KCNN3: variants seen among roughly 807,000 people sequenced by gnomAD.
KCNN3 encodes potassium calcium-activated channel subfamily N member 3, also known as small conductance calcium-activated potassium channel protein 3.
Under a neutral mutation model 62.9 loss-of-function variants are expected in KCNN3, and 16 were observed. The ratio of observed to expected loss-of-function variants is 0.25; its 90% CI spans 0.17 to 0.39. The LOEUF (loss-of-function observed/expected upper bound fraction) is 0.39. KCNN3 is among the 10% of genes least tolerant of loss of function. KCNN3 has a pLI of 1.00. For synonymous variants in KCNN3, 370 were observed against 389.2 expected (o/e 0.95, Z 0.58); for missense variants, 599 against 949.4 (o/e 0.63, Z 4.85).
chr1:154,805,175 T>C (rs1387952556), intron 2 of KCNN3, among the ~76,000 whole-genome samples: 1 of 151,910 alleles, frequency 6.6e-6, no homozygotes, highest in Non-Finnish European at 1.5e-5. Context: ...GACCTGGGCG[T>C]TCAGGGAAAA....
At chr1:154,828,229 T>A (rs55930864) in intron 1 of KCNN3, among the ~76,000 whole-genome samples, 49,994 of 151,678 alleles carry the variant, frequency 0.33, 9,035 homozygotes, top group East Asian at 0.68. Context: ...CAGCCCCCAG[T>A]AAAATGAGAC....
intron 3 of KCNN3, among the ~76,000 whole-genome samples, chr1:154,755,530 G>GGA (rs1647613669): frequency 1.1e-5 from 1 of 91,546 alleles, no homozygotes; most frequent in East Asian, 4.0e-4. Flanking sequence ...AAAGAAAGAA[G>GGA]AAGAAAGGAA....
rs1699826736 is a variant in KCNN3 at position 154,700,283 on chromosome 1, A to AC, written c.*7692dup. 6.6e-6 allele frequency: 1 copy of AC among 152,220 alleles called. No individual in the cohort carries two copies. Among genetic ancestry groups the AC allele is most frequent in the Admixed American group, 6.5e-5 (1 of 15,284 alleles). The allele number at this position is 152,220 out of a possible 1,614,324, so 9.4% of individuals were successfully genotyped here. On this transcript the variant is annotated 3_prime_UTR_variant, in exon 8 of 8. Transcript: ENST00000271915. The stretch of plus-strand genomic sequence containing the variant: ...TGGGGCCTGAGATTCTGCATTTCTA[A>AC]CAAGCTTACAGATGATGCTAACGCT...
rs777143484 is a variant in KCNN3 at position 154,772,080 on chromosome 1, C to T, written c.1343G>A (p.Arg448His). The change falls in exon 3 of 8, where the codon CGC becomes CAC. Residue 448 changes from arginine to histidine, a missense_variant. This residue lies in a region of KCNN3 where 288 missense variants were observed against 557.4 expected (regional missense o/e 0.52). Transcript: ENST00000271915. The surrounding 1 kb of genome is among the most constrained non-coding windows in gnomAD (Gnocchi z 5.6). ...GALNKINFNT[R>H]FVMKTLMTIC... ...GGTCATGAGCGTCTTCATGACAAAG[C>T]GGGTGTTGAAGTTGATCTTGTTGAG... 8.7e-6 allele frequency: 14 copies of T among 1,614,106 alleles called. No individual in the cohort carries two copies. Among genetic ancestry groups the T allele is most frequent in the Non-Finnish European group, 1.1e-5 (13 of 1,180,012 alleles).
intron 3 of KCNN3, among the ~76,000 whole-genome samples, chr1:154,758,693 G>A (rs1378435821): frequency 1.3e-5 from 2 of 152,178 alleles, no homozygotes; most frequent in African/African-American, 4.8e-5. Flanking sequence ...AAGGAATATG[G>A]CATGTCTCAC....
chr1:154,731,010 G>A (rs1475166317), intron 4 of KCNN3, among the ~76,000 whole-genome samples: 1 of 152,168 alleles, frequency 6.6e-6, no homozygotes, highest in African/African-American at 2.4e-5. Flanking sequence ...CAGGTCTTTG[G>A]GGTGCTGCTT....
At chr1:154,776,544 A>G (rs1267926120) in intron 2 of KCNN3, among the ~76,000 whole-genome samples, 1 of 152,098 alleles carries the variant, frequency 6.6e-6, no homozygotes, top group African/African-American at 2.4e-5. Context: ...AGAAGATCCC[A>G]TTGCTGTCCC....
chr1:154,845,585 A>G (rs755205550), intron 1 of KCNN3, among the ~76,000 whole-genome samples: 1 of 152,194 alleles, frequency 6.6e-6, no homozygotes, highest in Non-Finnish European at 1.5e-5. Flanking sequence ...AGCAGGAGCC[A>G]AAGGTGTCTG....
intron 1 of KCNN3, chr1:154,868,414 G>C: frequency 1.1e-6 from 1 of 929,586 alleles, no homozygotes; most frequent in Non-Finnish European, 1.3e-6. Context: ...TATTTTGCCC[G>C]AGACTCTCTG....
At chr1:154,832,042 G>T (rs1192821157) in intron 1 of KCNN3, among the ~76,000 whole-genome samples, 1 of 151,988 alleles carries the variant, frequency 6.6e-6, no homozygotes, top group East Asian at 1.9e-4. Context: ...GCTTACAGGG[G>T]CAGGCAGCCC....
At chr1:154,800,092 T>A (rs375757508) in intron 2 of KCNN3, among the ~76,000 whole-genome samples, 19 of 152,320 alleles carry the variant, frequency 1.2e-4, no homozygotes, top group African/African-American at 4.6e-4. Context: ...TAAGGGAGTT[T>A]GATTTTCTTA....
chr1:154,843,557 C>A (rs550884676), intron 1 of KCNN3, among the ~76,000 whole-genome samples: 1 of 152,176 alleles, frequency 6.6e-6, no homozygotes, highest in African/African-American at 2.4e-5. Context: ...TGAGCCACTG[C>A]GCCCGGCCCC....
At chr1:154,724,573 A>G (rs1048210637) in intron 5 of KCNN3, among the ~76,000 whole-genome samples, 1 of 152,190 alleles carries the variant, frequency 6.6e-6, no homozygotes, top group African/African-American at 2.4e-5. Context: ...CTGTCCTTGA[A>G]TAAACAGCTC....
intron 2 of KCNN3, among the ~76,000 whole-genome samples, chr1:154,800,369 G>A (rs1232546450): frequency 1.3e-5 from 2 of 152,128 alleles, no homozygotes; most frequent in South Asian, 2.1e-4. Context: ...GGTACACGGC[G>A]GTGGCCCCCT....
rs1329520384 is a variant in KCNN3, at chr1:154,707,762, C to T, written c.*214G>A. On this transcript the variant is annotated 3_prime_UTR_variant, in exon 8 of 8. Coordinates refer to ENST00000271915, the MANE Select transcript of KCNN3 (RefSeq NM_002249.6). ...GTCGCTTCCTGTCATCTCCTCTTCC[C>T]GCTCCCAAGTAGAGGCACCTAAACA... 3.5e-6 allele frequency: 2 copies of T among 565,588 alleles called. No individual in the cohort carries two copies. The highest frequency in any genetic ancestry group is 6.1e-6 in the Non-Finnish European group (2 of 330,156). 35.0% of individuals were successfully genotyped at this position (565,588 alleles called of 1,614,324 possible).
chr1:154,710,043 C>T (rs1279862175), intron 7 of KCNN3, among the ~76,000 whole-genome samples: 1 of 152,208 alleles, frequency 6.6e-6, no homozygotes, highest in African/African-American at 2.4e-5. Context: ...TATTCGATCA[C>T]CTGAGCCTCC....
intron 2 of KCNN3, among the ~76,000 whole-genome samples, chr1:154,780,949 T>C (rs1279509832): frequency 6.6e-6 from 1 of 152,172 alleles, no homozygotes; most frequent in Admixed American, 6.5e-5. Context: ...GCTTAGGGCG[T>C]TGGGGTCCAC....
At chr1:154,739,806 G>C (rs567930636) in intron 3 of KCNN3, among the ~76,000 whole-genome samples, 1 of 152,246 alleles carries the variant, frequency 6.6e-6, no homozygotes, top group Admixed American at 6.5e-5. Context: ...AGGCAAGCCC[G>C]TGGAGTGCCA....
At chr1:154,781,587 C>T (rs1649053542) in intron 2 of KCNN3, among the ~76,000 whole-genome samples, 1 of 152,176 alleles carries the variant, frequency 6.6e-6, no homozygotes, top group South Asian at 2.1e-4. Context: ...CCATAGAACC[C>T]TTTGACTGGA....
Sources: gnomAD v4.1 joint callset for allele counts (sites outside exome capture counted in the v4.1 genomes callset) on GRCh38, gnomAD v4.1.1 for gene constraint, gnomAD v4.1.1 regional missense constraint, Gnocchi (gnomAD v3.1) non-coding constraint, MANE v1.5 for transcripts, NCBI Gene and HGNC (gene_info 2026-07-23, HGNC 2026-07-21) for gene names.